Variants in VPS26A observed in about 807,000 individuals in gnomAD.
VPS26A encodes VPS26 retromer complex component A.
VPS26A carries 22 observed loss-of-function variants against 42.4 expected under a neutral mutation model. The observed-to-expected ratio is 0.52, with a 90% CI of 0.37 to 0.74. The LOEUF (loss-of-function observed/expected upper bound fraction) is 0.74, where lower values mean the gene tolerates loss of function less well. VPS26A is among the 30% of genes least tolerant of loss of function. VPS26A has a pLI of 0.00. For missense variants in VPS26A, 276 were observed against 379.2 expected (o/e 0.73, Z 2.26); for synonymous variants, 110 against 123.5 (o/e 0.89, Z 0.73).
chr10:69,139,283 T>G (rs1342539293), intron 2 of VPS26A, among the ~76,000 whole-genome samples: 1 of 152,116 alleles, frequency 6.6e-6, no homozygotes, highest in Non-Finnish European at 1.5e-5. Context: ...TACATTTTTT[T>G]GAGTTATTTT....
intron 7 of VPS26A, 83 bp from the exon 8 acceptor site, chr10:69,168,406 C>G: frequency 7.0e-7 from 1 of 1,420,564 alleles, no homozygotes; most frequent in Non-Finnish European, 9.6e-7. Context: ...GCATTAGTGT[C>G]AACTCTATAG....
At chr10:69,126,402 C>T (rs141712642) in intron 1 of VPS26A, among the ~76,000 whole-genome samples, 8 of 152,102 alleles carry the variant, frequency 5.3e-5, no homozygotes, top group East Asian at 1.9e-4. Flanking sequence ...GGTGAAACTC[C>T]GTCTCAACTA....
chr10:69,158,396 A>G (rs1841479650), intron 5 of VPS26A, among the ~76,000 whole-genome samples, 185 bp downstream of exon 5: 1 of 152,150 alleles, frequency 6.6e-6, no homozygotes, highest in Non-Finnish European at 1.5e-5. Flanking sequence ...GGTGTCTTTT[A>G]TGTTCTATTC....
At chr10:69,132,843 A>C in intron 1 of VPS26A, 55 bp from the exon 2 acceptor site, 1 of 1,494,474 alleles carries the variant, frequency 6.7e-7, no homozygotes, top group South Asian at 1.3e-5. Context: ...TTCAAATTAT[A>C]AAATGTAGTG....
intron 2 of VPS26A, 37 bp downstream of exon 2, chr10:69,133,084 G>A: frequency 6.3e-7 from 1 of 1,585,458 alleles, no homozygotes; most frequent in Non-Finnish European, 8.6e-7. Flanking sequence ...CTAATTGTAA[G>A]ATATCAGAAT....
At chr10:69,138,537 A>G (rs1325312690) in intron 2 of VPS26A, among the ~76,000 whole-genome samples, 1 of 152,240 alleles carries the variant, frequency 6.6e-6, no homozygotes, top group Non-Finnish European at 1.5e-5. Context: ...ACTCAGCCGT[A>G]TCTTTCAAGG....
chr10:69,168,714 T>C (rs1021517828), intron 8 of VPS26A, 83 bp downstream of exon 8: 1 of 1,498,756 alleles, frequency 6.7e-7, no homozygotes, highest in African/African-American at 1.4e-5. Flanking sequence ...TTCACTGTAC[T>C]GAGCGAGTGG....
intron 5 of VPS26A, chr10:69,161,499 T>TG (rs1449270372): frequency 5.9e-6 from 1 of 170,318 alleles, no homozygotes; most frequent in Non-Finnish European, 1.3e-5. Context: ...TGGTTGTTGT[T>TG]GGTTTTTGTT....
chr10:69,153,497 C>G (rs1307450919), intron 2 of VPS26A, among the ~76,000 whole-genome samples: 1 of 148,424 alleles, frequency 6.7e-6, no homozygotes, highest in Non-Finnish European at 1.5e-5. Context: ...GCACACACGC[C>G]CCAATACCCA....
At chr10:69,135,376 G>A (rs2132192687) in intron 2 of VPS26A, among the ~76,000 whole-genome samples, 1 of 152,278 alleles carries the variant, frequency 6.6e-6, no homozygotes, top group East Asian at 1.9e-4. Context: ...ATGGGATAAA[G>A]GAAAAGGGGG....
chr10:69,167,042 G>A (rs868665412), intron 7 of VPS26A, among the ~76,000 whole-genome samples: 6 of 149,534 alleles, frequency 4.0e-5, no homozygotes, highest in African/African-American at 1.5e-4. Context: ...CAGGAGAATC[G>A]CTTGAACCTG....
Position 69,128,263 on chromosome 10 carries a change from A to C in VPS26A, c.3+3983A>C, listed in dbSNP as rs1434984110. Among the ~76,000 whole-genome samples, 151 of 136,020 alleles carry C rather than the reference A, an allele frequency of 1.1e-3. 2 individuals carry two copies. Among genetic ancestry groups the C allele is most frequent in the Non-Finnish European group, 1.9e-3 (122 of 65,168 alleles). The allele number at this position is 136,020 out of a possible 152,430, so 89.2% of individuals were successfully genotyped here. A position where few individuals can be genotyped will look rare whatever the true frequency, so the allele number is the denominator to read the frequency against. ...TTTTTTTTTTTTGAGGCAGAATCTC[A>C]CTCTGTCGCCCAGGCTGGAGTGCAG... On this transcript the variant is annotated intron_variant, in intron 1 of 8. Coordinates refer to ENST00000263559, the MANE Select transcript of VPS26A (RefSeq NM_004896.5).
chr10:69,158,483 A>G (rs1330020114), intron 5 of VPS26A, among the ~76,000 whole-genome samples: 1 of 152,016 alleles, frequency 6.6e-6, no homozygotes, highest in Non-Finnish European at 1.5e-5. Flanking sequence ...CTGAGGATAC[A>G]ATTTATCTTA....
intron 7 of VPS26A, among the ~76,000 whole-genome samples, chr10:69,166,446 T>C (rs1050083449): frequency 6.6e-6 from 1 of 152,234 alleles, no homozygotes; most frequent in Non-Finnish European, 1.5e-5. Context: ...AAATGGAGTA[T>C]GGCTGAGCAT....
intron 1 of VPS26A, among the ~76,000 whole-genome samples, chr10:69,132,431 G>GTTT (rs3086557): frequency 1.3e-3 from 187 of 141,294 alleles, no homozygotes; most frequent in African/African-American, 1.6e-3. Flanking sequence ...TTTTGATGTA[G>GTTT]TTTTTTTTTT....
At chr10:69,153,773 C>T (rs11816719) in intron 2 of VPS26A, among the ~76,000 whole-genome samples, 26,977 of 151,988 alleles carry the variant, frequency 0.18, 2,778 homozygotes, top group Non-Finnish European at 0.23. Flanking sequence ...GTGTTCGAGA[C>T]CAGCCTGGGC....
chr10:69,129,434 T>A (rs1274175536), intron 1 of VPS26A, among the ~76,000 whole-genome samples: 1 of 152,210 alleles, frequency 6.6e-6, no homozygotes, highest in Non-Finnish European at 1.5e-5. Flanking sequence ...TTTCATTCTC[T>A]TTTTTCTAAA....
intron 2 of VPS26A, among the ~76,000 whole-genome samples, chr10:69,143,711 T>C (rs2132206228): frequency 6.6e-6 from 1 of 152,272 alleles, no homozygotes; most frequent in African/African-American, 2.4e-5. Context: ...TTCTTTTAGT[T>C]TTCAAATTAA....
chr10:69,169,614 A>T (rs1296409580), intron 8 of VPS26A, among the ~76,000 whole-genome samples: 5 of 130,494 alleles, frequency 3.8e-5, no homozygotes, highest in African/African-American at 1.1e-4. Context: ...CTTTTTTTTT[A>T]AGTTTTTTTT....
Sources: gnomAD v4.1 joint callset for allele counts (sites outside exome capture counted in the v4.1 genomes callset) on GRCh38, gnomAD v4.1.1 for gene constraint, MANE v1.5 for transcripts, NCBI Gene and HGNC (gene_info 2026-07-23, HGNC 2026-07-21) for gene names.